GRK3: variants seen among roughly 807,000 people sequenced by gnomAD.
GRK3 encodes the protein adrenergic, beta, receptor kinase 2.
Under a neutral mutation model 95.7 loss-of-function variants are expected in GRK3, and 54 were observed. The ratio of observed to expected loss-of-function variants is 0.56; its 90% CI spans 0.45 to 0.71. GRK3 has a LOEUF of 0.71. Ranked by LOEUF, GRK3 falls within the 30% of genes least tolerant of loss-of-function variation. The pLI is 0.00. For missense variants in GRK3, 649 were observed against 851.2 expected (o/e 0.76, Z 2.96); for synonymous variants, 281 against 290.8 (o/e 0.97, Z 0.34).
chr22:25,684,518 G>A (rs967922788), intron 9 of GRK3: 1 of 152,118 alleles, frequency 6.6e-6, no homozygotes, highest in East Asian at 1.9e-4. Context: ...TTTATTCTCA[G>A]TGTTTCAAAA....
Position 25,672,318 on chromosome 22 carries a change from C to A in GRK3, c.526C>A (p.Gln176Lys). The A allele has an allele frequency of 6.8e-7, 1 of 1,478,270 alleles. No homozygotes were observed. The highest frequency in any genetic ancestry group is 1.2e-5 in the South Asian group (1 of 81,842). The allele number at this position is 1,478,270 out of a possible 1,614,324, so 91.6% of individuals were successfully genotyped here. Residue 176 changes from glutamine to lysine, a missense_variant, in exon 7 of 21, where the codon CAG becomes AAG. By Grantham distance (53) the Gln-to-Lys change is moderately conservative. This residue lies in a region of GRK3 where 206 missense variants were observed against 231.4 expected (regional missense o/e 0.89). Transcript: ENST00000324198. ...MESDKFTRFC[Q>K]WKNVELNIHL... ...TAGTGACAAGTTCACTAGATTTTGT[C>A]AGTGGAAAAACGTTGAATTAAATAT...
rs1205492334 is a variant in GRK3, at chr22:25,725,327, G to A, written c.*2877G>A. 17 of 379,084 alleles carry A rather than the reference G, an allele frequency of 4.5e-5. No homozygotes were observed. Among genetic ancestry groups the A allele is most frequent in the Admixed American group, 2.3e-4 (5 of 22,124 alleles). 23.5% of individuals were successfully genotyped at this position (379,084 alleles called of 1,614,324 possible). On this transcript the variant is annotated 3_prime_UTR_variant, in exon 21 of 21. Transcript: ENST00000324198. ...GGTTGATATTTTTACAAAATCATGC[G>A]GTAATAAGTCTTGATTTCATGATTC...
Position 25,644,683 on chromosome 22 carries a change from T to A in GRK3, c.264+18T>A. On this transcript the variant is annotated intron_variant, in intron 3 of 20. Transcript: ENST00000324198. ...ATGAAGAGGTAAGAAGTAACTGTTT[T>A]ACTGATGCTTTTCTTTCAAAAGCAT... 1 of 1,321,468 alleles carries A rather than the reference T, an allele frequency of 7.6e-7. No homozygotes were observed. Among genetic ancestry groups the A allele is most frequent in the Non-Finnish European group, 1.1e-6 (1 of 937,820 alleles). The allele number at this position is 1,321,468 out of a possible 1,614,324, so 81.9% of individuals were successfully genotyped here. A position where few individuals can be genotyped will look rare whatever the true frequency, so the allele number is the denominator to read the frequency against.
At chr22:25,600,391 C>T (rs192627650) in intron 1 of GRK3, among the ~76,000 whole-genome samples, 1 of 152,194 alleles carries the variant, frequency 6.6e-6, no homozygotes, top group Non-Finnish European at 1.5e-5. Context: ...CCACCTGCCT[C>T]GGCCTCCCAA....
intron 2 of GRK3, among the ~76,000 whole-genome samples, chr22:25,624,503 G>T (rs2084612491): frequency 6.6e-6 from 1 of 152,124 alleles, no homozygotes; most frequent in African/African-American, 2.4e-5. Context: ...GGTGGAGCTT[G>T]CAGTGAGCCT....
Position 25,611,306 on chromosome 22 carries a change from A to G in GRK3, c.190+6853A>G, listed in dbSNP as rs547408997. ...ACATTTGTGTACAAGTATTTTATGG[A>G]CATATGTTTTCATTTCTCTTGAGTC... On this transcript the variant is annotated intron_variant, in intron 2 of 20. Coordinates refer to ENST00000324198, the MANE Select transcript of GRK3 (RefSeq NM_005160.4). 2.1e-3 allele frequency among the ~76,000 whole-genome samples: 319 copies of G among 152,290 alleles called. 4 individuals carry two copies. Among genetic ancestry groups the G allele is most frequent in the South Asian group, 5.4e-3 (26 of 4,832 alleles).
intron 1 of GRK3, among the ~76,000 whole-genome samples, chr22:25,575,618 A>G (rs1368231330): frequency 6.6e-6 from 1 of 152,226 alleles, no homozygotes; most frequent in Non-Finnish European, 1.5e-5. Context: ...CATGGTAGAT[A>G]GTCATTTATT....
intron 2 of GRK3, among the ~76,000 whole-genome samples, chr22:25,637,821 G>A (rs1225810443): frequency 6.6e-6 from 1 of 152,226 alleles, no homozygotes; most frequent in Admixed American, 6.5e-5. Context: ...CAAATCTGCA[G>A]TGTGAGCTGG....
chr22:25,718,523 G>A, intron 19 of GRK3, 142 bp downstream of exon 19: 1 of 980,760 alleles, frequency 1.0e-6, no homozygotes, highest in East Asian at 2.5e-5. Flanking sequence ...ATTGTAATGT[G>A]CAAACTTTAA....
At chr22:25,602,737 A>G (rs545619995) in intron 1 of GRK3, among the ~76,000 whole-genome samples, 1 of 152,322 alleles carries the variant, frequency 6.6e-6, no homozygotes, top group South Asian at 2.1e-4. Context: ...ATTTTATATA[A>G]AATTCTAGAA....
chr22:25,694,947 T>C (rs902458097), intron 12 of GRK3, among the ~76,000 whole-genome samples, 160 bp from the exon 13 acceptor site: 2 of 152,252 alleles, frequency 1.3e-5, no homozygotes, highest in Non-Finnish European at 2.9e-5. Flanking sequence ...GTTTTCCCAT[T>C]GGATGTTCAG....
intron 18 of GRK3, among the ~76,000 whole-genome samples, chr22:25,716,539 A>C (rs1341959020): frequency 6.6e-6 from 1 of 152,176 alleles, no homozygotes; most frequent in East Asian, 1.9e-4. Flanking sequence ...GTTAGTAAGT[A>C]ATTCGTGCAT....
intron 20 of GRK3, 81 bp from the exon 21 acceptor site, chr22:25,722,208 C>G: frequency 6.5e-7 from 1 of 1,526,778 alleles, no homozygotes; most frequent in Admixed American, 1.7e-5. Flanking sequence ...TCCAGGGACG[C>G]TGGTAATCAA....
At chr22:25,687,150 T>G (rs973536167) in intron 10 of GRK3, among the ~76,000 whole-genome samples, 1 of 152,052 alleles carries the variant, frequency 6.6e-6, no homozygotes, top group African/African-American at 2.4e-5. Context: ...TTTTTTGTTT[T>G]TTTTTGTCTA....
intron 9 of GRK3, among the ~76,000 whole-genome samples, chr22:25,682,055 A>T (rs1218547781): frequency 6.6e-6 from 1 of 152,212 alleles, no homozygotes; most frequent in Non-Finnish European, 1.5e-5. Context: ...AGATAACCAC[A>T]TCTGATTCCT....
chr22:25,664,958 T>C (rs1345943599), intron 5 of GRK3, among the ~76,000 whole-genome samples: 3 of 152,228 alleles, frequency 2.0e-5, no homozygotes, highest in Non-Finnish European at 2.9e-5. Context: ...AGATGGACTT[T>C]CATAAAATGT....
At chr22:25,635,782 C>T (rs763895692) in intron 2 of GRK3, among the ~76,000 whole-genome samples, 39 of 152,124 alleles carry the variant, frequency 2.6e-4, no homozygotes, top group African/African-American at 3.6e-4. Flanking sequence ...GTAAGTAACT[C>T]GTGGAAGTTA....
intron 8 of GRK3, among the ~76,000 whole-genome samples, chr22:25,678,455 A>G (rs923112502): frequency 2.0e-5 from 3 of 152,072 alleles, no homozygotes; most frequent in African/African-American, 7.2e-5. Context: ...CTCTGTCTCA[A>G]AAAAAAACAA....
intron 17 of GRK3, among the ~76,000 whole-genome samples, chr22:25,713,975 C>T (rs529325681): frequency 8.3e-4 from 127 of 152,298 alleles, no homozygotes; most frequent in African/African-American, 3.0e-3. Flanking sequence ...TTCAAAAGCC[C>T]TCTTGGCTTC....
Sources: gnomAD v4.1 joint callset for allele counts (sites outside exome capture counted in the v4.1 genomes callset) on GRCh38, gnomAD v4.1.1 for gene constraint, gnomAD v4.1.1 regional missense constraint, MANE v1.5 for transcripts, NCBI Gene and HGNC (gene_info 2026-07-23, HGNC 2026-07-21) for gene names.